The following PLXNA4 variants were observed in gnomAD, a reference collection of about 807,000 sequenced individuals.
PLXNA4 encodes the protein plexin A4, also known as plexin-A4.
A neutral mutation model predicts 191.8 loss-of-function variants in PLXNA4; 44 were observed. That is an observed-to-expected ratio of 0.23 (90% CI 0.18 to 0.29). The LOEUF is 0.29. PLXNA4 is among the 10% of genes least tolerant of loss of function. PLXNA4 has a pLI of 1.00. For missense variants in PLXNA4, 1,800 were observed against 2,488.8 expected, an observed-to-expected ratio of 0.72 and a Z score of 5.89; for synonymous variants, 1,082 against 1,009.5, an observed-to-expected ratio of 1.07 and a Z score of -1.36.
intron 1 of PLXNA4, among the ~76,000 whole-genome samples, chr7:132,559,314 C>T (rs1215877552): frequency 6.6e-6 from 1 of 152,140 alleles, no homozygotes; most frequent in African/African-American, 2.4e-5. Context: ...TACCCTGCCC[C>T]CTGTTTCTCC....
At chr7:132,472,236 G>A (rs1202205314) in intron 3 of PLXNA4, among the ~76,000 whole-genome samples, 1 of 152,002 alleles carries the variant, frequency 6.6e-6, no homozygotes, top group Non-Finnish European at 1.5e-5. Flanking sequence ...TATTTTTCTT[G>A]GGGCCTAGCA....
At chr7:132,145,569 G>A (rs2122635) in intron 28 of PLXNA4, 64,881 of 424,226 alleles carry the variant, frequency 0.15, 15,550 homozygotes, top group African/African-American at 0.76. Context: ...ACCCTCTGGC[G>A]GTGTTATTTT....
chr7:132,636,153 C>T (rs1803601926), intron 2 of PLXNA4, among the ~76,000 whole-genome samples: 1 of 152,170 alleles, frequency 6.6e-6, no homozygotes. Flanking sequence ...TCAAAGACTC[C>T]CATCCAATAC....
At chr7:132,345,847 A>C (rs1350676892) in intron 3 of PLXNA4, among the ~76,000 whole-genome samples, 1 of 152,134 alleles carries the variant, frequency 6.6e-6, no homozygotes, top group Non-Finnish European at 1.5e-5. Flanking sequence ...AGCATGGCAC[A>C]TTACCCACCC....
chr7:132,334,252 C>CTTTTTTTTTTTTTTTTTTTTTTTTT (rs71529758), intron 3 of PLXNA4, among the ~76,000 whole-genome samples: 1 of 75,606 alleles, frequency 1.3e-5, no homozygotes, highest in Non-Finnish European at 2.4e-5. Flanking sequence ...TTCTTTCTTT[C>CTTTTTTTTTTTTTTTTTTTTTTTTT]TTTTTTTTTT....
intron 3 of PLXNA4, among the ~76,000 whole-genome samples, chr7:132,399,516 C>T (rs757666747): frequency 6.6e-6 from 1 of 152,210 alleles, no homozygotes; most frequent in African/African-American, 2.4e-5. Flanking sequence ...CTTCGGCTGA[C>T]TGGAGAAATC....
intron 2 of PLXNA4, among the ~76,000 whole-genome samples, chr7:132,502,615 A>T (rs973192759): frequency 6.6e-6 from 1 of 152,126 alleles, no homozygotes; most frequent in East Asian, 1.9e-4. Context: ...CACCCCAGAC[A>T]CTGCTAGCAC....
At chr7:132,578,972 C>T (rs1802348702), upstream of PLXNA4, among the ~76,000 whole-genome samples, 1 of 152,200 alleles carries the variant, frequency 6.6e-6, no homozygotes, top group Admixed American at 6.5e-5. Flanking sequence ...GCCTCTTGAA[C>T]ATCCTTCCAG....
chr7:132,564,786 C>T (rs954148258), intron 1 of PLXNA4, among the ~76,000 whole-genome samples: 7 of 152,144 alleles, frequency 4.6e-5, no homozygotes, highest in Non-Finnish European at 8.8e-5. Context: ...AGGAATCTTA[C>T]GAATCCTTTT....
intron 3 of PLXNA4, among the ~76,000 whole-genome samples, chr7:132,388,714 A>G (rs1308784535): frequency 6.6e-6 from 1 of 152,170 alleles, no homozygotes; most frequent in Non-Finnish European, 1.5e-5. Context: ...TTGGGACTAC[A>G]TTGGCTTCAA....
intron 3 of PLXNA4, among the ~76,000 whole-genome samples, chr7:132,306,090 AGCTGGTG>A (rs2116551232): frequency 6.6e-6 from 1 of 152,224 alleles, no homozygotes; most frequent in South Asian, 2.1e-4. Context: ...GTGGCAAACC[AGCTGGTG>A]GTCAGGACAG....
intron 3 of PLXNA4, among the ~76,000 whole-genome samples, chr7:132,364,178 G>C (rs1370666334): frequency 6.6e-6 from 1 of 152,198 alleles, no homozygotes; most frequent in African/African-American, 2.4e-5. Flanking sequence ...TATGGGGAGG[G>C]AACAATGGGG....
At chr7:132,481,517 A>C (rs373645197) in intron 3 of PLXNA4, among the ~76,000 whole-genome samples, 309 of 151,148 alleles carry the variant, frequency 2.0e-3, no homozygotes, top group African/African-American at 5.0e-3. Flanking sequence ...CCCCACCCCC[A>C]AAAAAAAACA....
chr7:132,223,801 C>T (rs747774462), intron 8 of PLXNA4, among the ~76,000 whole-genome samples, 160 bp from the exon 9 acceptor site: 7 of 152,084 alleles, frequency 4.6e-5, no homozygotes, highest in Non-Finnish European at 1.0e-4. Flanking sequence ...CCCTTTACTC[C>T]CCAAGACCTC....
intron 2 of PLXNA4, among the ~76,000 whole-genome samples, chr7:132,587,405 G>GA (rs1802522231): frequency 6.6e-6 from 1 of 152,160 alleles, no homozygotes; most frequent in South Asian, 2.1e-4. Context: ...GTTCTCTAAA[G>GA]AAAAAATAAA....
chr7:132,200,384 G>T (rs943933262), intron 12 of PLXNA4, among the ~76,000 whole-genome samples: 3 of 152,174 alleles, frequency 2.0e-5, no homozygotes, highest in Non-Finnish European at 2.9e-5. Flanking sequence ...GGACTGGGAA[G>T]GGAGGACATG....
Position 132,130,548 on chromosome 7 carries a change from G to A in PLXNA4, c.5616C>T (p.Asp1872=). The A allele has an allele frequency of 1.2e-6, 2 of 1,614,096 alleles. No homozygotes were observed. The highest frequency in any genetic ancestry group is 1.1e-5 in the South Asian group (1 of 91,074). ...EEILGPLDHD[D]QCGKQKLAYK... is the part of the protein sequence containing the mutation. The stretch of plus-strand genomic sequence containing the variant: ...AGGCCAGTTTCTGCTTCCCACACTG[G>A]TCATCGTGGTCCAGAGGTCCAAGGA... The change falls in exon 32 of 32, where the codon GAC becomes GAT. Residue 1872 remains aspartate, a synonymous_variant. Coordinates refer to ENST00000321063, the MANE Select transcript of PLXNA4 (RefSeq NM_020911.2).
chr7:132,226,868 T>G (rs1022894481), intron 7 of PLXNA4, among the ~76,000 whole-genome samples: 1 of 152,208 alleles, frequency 6.6e-6, no homozygotes, highest in African/African-American at 2.4e-5. Flanking sequence ...CATTAATCAA[T>G]CAGCTCTGAA....
intron 3 of PLXNA4, among the ~76,000 whole-genome samples, chr7:132,330,801 C>A (rs557303557): frequency 2.0e-5 from 3 of 152,286 alleles, no homozygotes; most frequent in African/African-American, 7.2e-5. Flanking sequence ...GTGAATGTGA[C>A]CCTGTGCACC....
Sources: allele counts gnomAD v4.1 joint callset (sites outside exome capture counted in the v4.1 genomes callset), GRCh38; gene constraint gnomAD v4.1.1; transcripts MANE v1.5; gene names NCBI Gene and HGNC (gene_info 2026-07-23, HGNC 2026-07-21).